Variants in EPHA3 observed in about 807,000 individuals in gnomAD.
EPHA3 encodes the protein EPH receptor A3.
EPHA3 carries 42 observed loss-of-function variants against 107.1 expected under a neutral mutation model. The observed-to-expected ratio is 0.39, with a 90% confidence interval of 0.31 to 0.51. The LOEUF is 0.51. Ranked by LOEUF, EPHA3 falls within the 20% of genes least tolerant of loss-of-function variation. The probability of loss-of-function intolerance (pLI) is 0.78; values close to 1 mark genes in which losing one functional copy is unlikely to be tolerated. For missense variants in EPHA3, 1,183 were observed against 1,211.2 expected (o/e 0.98, Z 0.35); for synonymous variants, 461 against 424.8 (o/e 1.09, Z -1.05).
intron 13 of EPHA3, among the ~76,000 whole-genome samples, chr3:89,447,545 A>G (rs1709899087): frequency 6.6e-6 from 1 of 152,144 alleles, no homozygotes; most frequent in South Asian, 2.1e-4. Context: ...AAGTTTCCCA[A>G]GTGCATCTGT....
intron 6 of EPHA3, among the ~76,000 whole-genome samples, chr3:89,398,408 A>C (rs1708892124): frequency 6.6e-6 from 1 of 152,198 alleles, no homozygotes; most frequent in African/African-American, 2.4e-5. Context: ...TCTAATGTAC[A>C]ATGTGAATCT....
At chr3:89,339,696 C>T (rs1707474323) in intron 3 of EPHA3, among the ~76,000 whole-genome samples, 1 of 152,056 alleles carries the variant, frequency 6.6e-6, no homozygotes, top group African/African-American at 2.4e-5. Flanking sequence ...TTGATTTGTT[C>T]ACACAGGTTT....
chr3:89,259,858 A>G (rs1705373526), intron 3 of EPHA3, among the ~76,000 whole-genome samples: 1 of 152,052 alleles, frequency 6.6e-6, no homozygotes, highest in African/African-American at 2.4e-5. Context: ...ACCCATGAAA[A>G]CTGCTGTTTT....
At chr3:89,219,771 G>C (rs1379407337) in intron 3 of EPHA3, among the ~76,000 whole-genome samples, 2 of 119,582 alleles carry the variant, frequency 1.7e-5, no homozygotes, top group Non-Finnish European at 3.4e-5. Flanking sequence ...TGCAGTGGCG[G>C]GATCTCGGCT....
intron 3 of EPHA3, among the ~76,000 whole-genome samples, chr3:89,297,499 T>C (rs1706383972): frequency 6.6e-6 from 1 of 152,170 alleles, no homozygotes; most frequent in Non-Finnish European, 1.5e-5. Context: ...TGGTTCATGC[T>C]ATCCCAAAAC....
intron 2 of EPHA3, among the ~76,000 whole-genome samples, chr3:89,178,307 A>T (rs575522734): frequency 6.6e-6 from 1 of 152,274 alleles, no homozygotes; most frequent in African/African-American, 2.4e-5. Context: ...TCTTCTAAAT[A>T]TAATTTTGAT....
intron 3 of EPHA3, among the ~76,000 whole-genome samples, chr3:89,283,805 C>A (rs1330408096): frequency 6.6e-6 from 1 of 151,990 alleles, no homozygotes; most frequent in East Asian, 1.9e-4. Flanking sequence ...TTCATTCTTT[C>A]CCTTGTAAAA....
chr3:89,136,402 C>T (rs1315401476), intron 2 of EPHA3, among the ~76,000 whole-genome samples: 11 of 103,392 alleles, frequency 1.1e-4, no homozygotes, highest in Admixed American at 4.4e-4. Flanking sequence ...AAAGGGAAAA[C>T]GTGGACAGGT....
chr3:89,326,039 T>C (rs895311128), intron 3 of EPHA3, among the ~76,000 whole-genome samples: 1 of 151,240 alleles, frequency 6.6e-6, no homozygotes, highest in Non-Finnish European at 1.5e-5. Context: ...TAAATGCTTA[T>C]AGGACACTGG....
At chr3:89,476,729 T>C (rs1710519775) in intron 16 of EPHA3, among the ~76,000 whole-genome samples, 1 of 151,520 alleles carries the variant, frequency 6.6e-6, no homozygotes, top group Non-Finnish European at 1.5e-5. Context: ...TGCCTCAGCC[T>C]CCGGAGTAGC....
intron 13 of EPHA3, among the ~76,000 whole-genome samples, chr3:89,445,299 C>A (rs1001000384): frequency 8.5e-5 from 13 of 152,162 alleles, no homozygotes; most frequent in Admixed American, 8.5e-4. Flanking sequence ...CACTTATTCA[C>A]ATCTTCTTCT....
At chr3:89,126,609 A>T (rs574907229) in intron 1 of EPHA3, among the ~76,000 whole-genome samples, 7 of 151,814 alleles carry the variant, frequency 4.6e-5, no homozygotes, top group African/African-American at 1.7e-4. Flanking sequence ...AGGTGTTATT[A>T]TAAAACATAG....
At chr3:89,152,829 T>G (rs556307367) in intron 2 of EPHA3, among the ~76,000 whole-genome samples, 1 of 152,094 alleles carries the variant, frequency 6.6e-6, no homozygotes, top group Non-Finnish European at 1.5e-5. Context: ...GAGGAAAGTT[T>G]GAAAAGATTC....
chr3:89,411,978 T>A (rs993108953), intron 9 of EPHA3, among the ~76,000 whole-genome samples: 8 of 151,920 alleles, frequency 5.3e-5, no homozygotes, highest in African/African-American at 1.9e-4. Context: ...CCATATTCTG[T>A]GCTAAAACAC....
intron 2 of EPHA3, among the ~76,000 whole-genome samples, chr3:89,167,068 A>G (rs2107086114): frequency 6.6e-6 from 1 of 152,326 alleles, no homozygotes; most frequent in East Asian, 1.9e-4. Context: ...TTAGTGATAC[A>G]TATCCTCATG....
intron 3 of EPHA3, among the ~76,000 whole-genome samples, chr3:89,245,942 C>T (rs1287412028): frequency 6.6e-6 from 1 of 152,140 alleles, no homozygotes; most frequent in Non-Finnish European, 1.5e-5. Flanking sequence ...TAGAAATACT[C>T]ACATGGAGAA....
At chr3:89,229,983 C>A (rs1336957242) in intron 3 of EPHA3, among the ~76,000 whole-genome samples, 1 of 152,004 alleles carries the variant, frequency 6.6e-6, no homozygotes, top group Admixed American at 6.6e-5. Flanking sequence ...ATTGTTTACA[C>A]TCGAGGAAAC....
intron 3 of EPHA3, among the ~76,000 whole-genome samples, chr3:89,221,116 T>C (rs958923320): frequency 5.9e-5 from 9 of 152,188 alleles, no homozygotes; most frequent in Admixed American, 3.3e-4. Context: ...TTCCTATGCT[T>C]CCTGGCAGAG....
rs2107581391 is a variant in EPHA3 at position 89,479,399 on chromosome 3, A to G, written c.2849A>G (p.Asp950Gly). 1 of 1,613,210 alleles carries G rather than the reference A, an allele frequency of 6.2e-7. No individual in the cohort carries two copies. The change falls in exon 17 of 17, where the codon GAC becomes GGC. Residue 950 changes from aspartate to glycine, a missense_variant and splice_region_variant. Asp to Gly is a moderately conservative substitution (Grantham distance 94, BLOSUM62 -1). Coordinates refer to ENST00000336596, the MANE Select transcript of EPHA3 (RefSeq NM_005233.6). ...TATATTGTTTTCTTTTTTTACAGTG[A>G]CATGAAAAAGGTTGGTGTCACCGTG... ...CDTIAKISTD[D>G]MKKVGVTVVG...
Sources: allele counts gnomAD v4.1 joint callset (sites outside exome capture counted in the v4.1 genomes callset), GRCh38; gene constraint gnomAD v4.1.1; transcripts MANE v1.5; gene names NCBI Gene and HGNC (gene_info 2026-07-23, HGNC 2026-07-21).